MCU: variants seen among roughly 807,000 people sequenced by gnomAD.
The protein encoded by MCU is mitochondrial calcium uniporter.
In MCU, 12 loss-of-function variants were observed where a neutral mutation model predicts 45.2. That is an observed-to-expected ratio of 0.27 (90% CI 0.17 to 0.43). The LOEUF is 0.43. Among genes scored for constraint, MCU ranks in the 20% least tolerant of loss-of-function variants. The pLI is 1.00. For missense variants in MCU, 324 were observed against 436.7 expected, an observed-to-expected ratio of 0.74 and a Z score of 2.30; for synonymous variants, 160 against 165.1, an observed-to-expected ratio of 0.97 and a Z score of 0.24.
intron 1 of MCU, among the ~76,000 whole-genome samples, chr10:72,738,479 G>A (rs1843281203): frequency 6.6e-6 from 1 of 152,186 alleles, no homozygotes; most frequent in Non-Finnish European, 1.5e-5. Flanking sequence ...GAAAGTTTAT[G>A]CTAAACAAGG....
chr10:72,762,943 C>T (rs933824867), intron 1 of MCU, among the ~76,000 whole-genome samples: 3 of 152,140 alleles, frequency 2.0e-5, no homozygotes, highest in Admixed American at 6.6e-5. Context: ...GTGTTCCTTT[C>T]TGGACCTGTG....
intron 1 of MCU, chr10:72,692,920 G>C (rs1564530363): frequency 6.6e-7 from 1 of 1,505,932 alleles, no homozygotes; most frequent in East Asian, 2.5e-5. Context: ...CCTCGAGATG[G>C]ATGCTGCATT....
rs557170777 is a variant in MCU, at chr10:72,845,760, T to G, written c.220+11332T>G. The stretch of plus-strand genomic sequence containing the variant: ...GTATCCCTGTCGTTAAGCAATGTAT[T>G]CATAGAATGAAATTCTATATAGGAG... On this transcript the variant is annotated intron_variant, in intron 2 of 7. Transcript: ENST00000373053. Among the ~76,000 whole-genome samples, 6 of 152,342 alleles carry G rather than the reference T, an allele frequency of 3.9e-5. No homozygotes were observed. The South Asian group carries it at 1.2e-3, about 32-fold the overall frequency.
rs949459960 is a variant in MCU at position 72,780,287 on chromosome 10, TG to T, written c.151-54069del. Among the ~76,000 whole-genome samples the T allele has an allele frequency of 9.9e-5, 15 of 152,156 alleles. 1 individual carries two copies. The South Asian group carries it at 2.3e-3, about 23-fold the overall frequency. ...GAGGATAATGGGGAGTGACTACTAGTGGGTATGAGGTTTCTTTTTAGGGTGG... is the reference window on the plus strand; with the variant it reads ...GAGGATAATGGGGAGTGACTACTAGTGGTATGAGGTTTCTTTTTAGGGTGG... On this transcript the variant is annotated intron_variant, in intron 1 of 7. Transcript: ENST00000373053.
At chr10:72,880,764 T>C (rs1054751805) in intron 6 of MCU, among the ~76,000 whole-genome samples, 23 of 152,310 alleles carry the variant, frequency 1.5e-4, no homozygotes, top group African/African-American at 5.1e-4. Flanking sequence ...TCAATAACAG[T>C]GGCACAAGGA....
intron 2 of MCU, among the ~76,000 whole-genome samples, chr10:72,840,072 G>T (rs1212253445): frequency 6.6e-6 from 1 of 151,706 alleles, no homozygotes; most frequent in Non-Finnish European, 1.5e-5. Context: ...GAATGGTTGG[G>T]TTATATTGTA....
chr10:72,753,694 G>A (rs1360545948), intron 1 of MCU, among the ~76,000 whole-genome samples: 1 of 152,082 alleles, frequency 6.6e-6, no homozygotes, highest in African/African-American at 2.4e-5. Flanking sequence ...GGGCAACATG[G>A]CAAAATCCTG....
intron 1 of MCU, among the ~76,000 whole-genome samples, chr10:72,701,688 G>A (rs549305715): frequency 2.6e-5 from 4 of 151,972 alleles, no homozygotes; most frequent in Admixed American, 1.3e-4. Flanking sequence ...CACCACGCCC[G>A]GCTAATTTTT....
intron 1 of MCU, chr10:72,736,566 T>C (rs1451605181): frequency 6.6e-6 from 1 of 152,204 alleles, no homozygotes; most frequent in African/African-American, 2.4e-5. Context: ...AACACTTGCA[T>C]CCTGGGTATG....
At chr10:72,721,176 C>G (rs566934555) in intron 1 of MCU, 7 of 154,156 alleles carry the variant, frequency 4.5e-5, no homozygotes, top group Non-Finnish European at 8.8e-5. Context: ...TTTCTTACCT[C>G]TGGTCGTAAT....
At chr10:72,825,219 A>T (rs541032286) in intron 1 of MCU, among the ~76,000 whole-genome samples, 1 of 152,316 alleles carries the variant, frequency 6.6e-6, no homozygotes, top group East Asian at 1.9e-4. Flanking sequence ...TTTTATTTTG[A>T]AAAAGTTCAA....
chr10:72,741,172 C>T (rs907164834), intron 1 of MCU, among the ~76,000 whole-genome samples: 9 of 150,404 alleles, frequency 6.0e-5, no homozygotes, highest in African/African-American at 2.2e-4. Flanking sequence ...CGATCTCGGC[C>T]TACTTCAGCC....
chr10:72,800,292 C>T (rs1844319031), intron 1 of MCU, among the ~76,000 whole-genome samples: 1 of 152,062 alleles, frequency 6.6e-6, no homozygotes, highest in African/African-American at 2.4e-5. Context: ...GTTTCCTGCC[C>T]ACAGTTATTT....
Position 72,885,954 on chromosome 10 carries a change from A to C in MCU, c.*132A>C. ...CCTTTAATTATAAAACAAAAACAGA[A>C]AGGATCTGAGGGAAGAAGGGAATGT... On this transcript the variant is annotated 3_prime_UTR_variant, in exon 8 of 8. Transcript: ENST00000373053. The C allele has an allele frequency of 1.5e-6, 1 of 656,936 alleles. No individual in the cohort carries two copies. 40.7% of individuals were successfully genotyped at this position (656,936 alleles called of 1,614,324 possible). A position where few individuals can be genotyped will look rare whatever the true frequency, so the allele number is the denominator to read the frequency against.
intron 1 of MCU, among the ~76,000 whole-genome samples, chr10:72,738,819 C>G (rs1283940025): frequency 6.6e-6 from 1 of 152,196 alleles, no homozygotes; most frequent in African/African-American, 2.4e-5. Flanking sequence ...ACAACGGAGC[C>G]TTTTGCTGTG....
rs556604868 is a variant in MCU, at chr10:72,878,173, C to A, written c.862-6093C>A. Among the ~76,000 whole-genome samples, 3 of 122,092 alleles carry A rather than the reference C, an allele frequency of 2.5e-5. No individual in the cohort carries two copies. The South Asian group carries it at 8.3e-4, about 34-fold the overall frequency. 80.1% of individuals were successfully genotyped at this position (122,092 alleles called of 152,430 possible). On this transcript the variant is annotated intron_variant, in intron 6 of 7. Transcript: ENST00000373053. ...CTACTCTGTTGCCCAGGTTGGAGTA[C>A]AGTGGCACAATCATGGCTTACTGTA...
chr10:72,873,957 A>G (rs1009300749), intron 6 of MCU, among the ~76,000 whole-genome samples: 5 of 152,052 alleles, frequency 3.3e-5, no homozygotes, highest in Non-Finnish European at 5.9e-5. Context: ...TCTTTGGTCT[A>G]TGTGTCTGTT....
intron 1 of MCU, among the ~76,000 whole-genome samples, chr10:72,812,393 G>A (rs962265987): frequency 2.6e-5 from 4 of 152,134 alleles, no homozygotes; most frequent in Admixed American, 6.6e-5. Context: ...TGATCCGCCC[G>A]CCTCGGCTTC....
intron 1 of MCU, among the ~76,000 whole-genome samples, chr10:72,740,043 G>A (rs548912608): frequency 6.6e-6 from 1 of 151,738 alleles, no homozygotes; most frequent in South Asian, 2.1e-4. Flanking sequence ...CTCGATGTGT[G>A]TTGGTTAGTA....
Sources: allele counts gnomAD v4.1 joint callset (sites outside exome capture counted in the v4.1 genomes callset), GRCh38; gene constraint gnomAD v4.1.1; transcripts MANE v1.5; gene names NCBI Gene and HGNC (gene_info 2026-07-23, HGNC 2026-07-21).